DERA: variants seen among roughly 807,000 people sequenced by gnomAD.
DERA encodes deoxyribose-phosphate aldolase, also known as 2-deoxy-D-ribose 5-phosphate aldolase.
Under a neutral mutation model 41.1 loss-of-function variants are expected in DERA, and 15 were observed. The ratio of observed to expected loss-of-function variants is 0.37; its 90% CI spans 0.24 to 0.56. The LOEUF is 0.56. DERA is among the 20% of genes least tolerant of loss of function. The pLI is 0.81. For missense variants in DERA, 396 were observed against 403.4 expected (o/e 0.98, Z 0.16); for synonymous variants, 139 against 137.4 (o/e 1.01, Z -0.08).
chr12:15,988,671 C>T lies in DERA; in HGVS notation c.637+6235C>T, dbSNP rs187396166. Among the ~76,000 whole-genome samples, 3 of 152,310 alleles carry T rather than the reference C, an allele frequency of 2.0e-5. No individual in the cohort carries two copies. In the East Asian group the frequency reaches 5.8e-4, roughly 30 times the overall value. On this transcript the variant is annotated intron_variant, in intron 6 of 8. Coordinates refer to ENST00000428559, the MANE Select transcript of DERA (RefSeq NM_015954.4). This position sits in a 1 kb window ranked among gnomAD's most constrained non-coding sequence, Gnocchi z 6.0. ...TCCAGGCTGTGGCCTTCACTCAGAC[C>T]TGGCAGCCTGGTTCCCAGGCTTCAG...
Position 15,981,311 on chromosome 12 carries a change from G to A in DERA, c.509-997G>A, listed in dbSNP as rs909782606. Reference sequence around the variant, plus strand: ...TGCAGTGAGCTGAGATCACGCCACTGCACTCCAGCCTGGGTGACAGAGCAA... The same window carrying A: ...TGCAGTGAGCTGAGATCACGCCACTACACTCCAGCCTGGGTGACAGAGCAA... On this transcript the variant is annotated intron_variant, in intron 5 of 8. Transcript: ENST00000428559. The surrounding 1 kb of genome is among the most constrained non-coding windows in gnomAD (Gnocchi z 6.1). 6.6e-6 allele frequency among the ~76,000 whole-genome samples: 1 copy of A among 152,148 alleles called. No homozygotes were observed. The highest frequency in any genetic ancestry group is 1.5e-5 in the Non-Finnish European group (1 of 68,028).
At chr12:15,926,931 A>G (rs1462780104) in intron 1 of DERA, among the ~76,000 whole-genome samples, 2 of 152,142 alleles carry the variant, frequency 1.3e-5, no homozygotes. Flanking sequence ...CCAGTTCTTC[A>G]CTTGGAGAAC....
chr12:15,956,977 G>C lies in DERA; in HGVS notation c.73G>C (p.Val25Leu). The C allele has an allele frequency of 1.2e-6, 2 of 1,613,964 alleles. No individual in the cohort carries two copies. Among genetic ancestry groups the C allele is most frequent in the South Asian group, 1.1e-5 (1 of 91,084 alleles). The change falls in exon 2 of 9, where the codon GTT becomes CTT. Residue 25 changes from valine (V) to leucine (L), a missense_variant. Coordinates refer to ENST00000428559, the MANE Select transcript of DERA (RefSeq NM_015954.4). ...ISKIQVNHPA[V>L]LRRAEQIQAR... The stretch of plus-strand genomic sequence containing the variant: ...CAAAATACAAGTGAATCACCCGGCA[G>C]TTCTGAGGCGTGCGGAACAAATCCA...
In DERA at chr12:15,954,150, A is replaced by T. The variant is rs893706990; in HGVS notation, c.32-2786A>T. ...TAAGGGGAAAGTTCCCAGGCATCCC[A>T]TTCATACCTCAGTCCCATATTTTCT... On this transcript the variant is annotated intron_variant, in intron 1 of 8. Coordinates refer to ENST00000428559, the MANE Select transcript of DERA (RefSeq NM_015954.4). The surrounding 1 kb of genome is among the most constrained non-coding windows in gnomAD (Gnocchi z 4.0). Among the ~76,000 whole-genome samples the T allele has an allele frequency of 4.6e-5, 7 of 152,154 alleles. No homozygotes were observed. The highest frequency in any genetic ancestry group is 8.8e-5 in the Non-Finnish European group (6 of 68,024).
In DERA at chr12:15,992,820, C is replaced by T. The variant is rs1175201168; in HGVS notation, c.637+10384C>T. 1.3e-5 allele frequency among the ~76,000 whole-genome samples: 2 copies of T among 152,096 alleles called. No homozygotes were observed. The highest frequency in any genetic ancestry group is 4.8e-5 in the African/African-American group (2 of 41,412). On this transcript the variant is annotated intron_variant, in intron 6 of 8. Transcript: ENST00000428559. This position sits in a 1 kb window ranked among gnomAD's most constrained non-coding sequence, Gnocchi z 4.3. ...TCTTTCAGTAGCGGTGGACTGTTCG[C>T]ACACACTCAACAGTTAACAAGCTCC...
In DERA at chr12:15,913,384, T is replaced by C. The variant is rs181415369; in HGVS notation, c.31+1970T>C. Among the ~76,000 whole-genome samples, 406 of 152,336 alleles carry C rather than the reference T, an allele frequency of 2.7e-3. 2 individuals are homozygous for C. The highest frequency in any genetic ancestry group is 5.1e-3 in the Admixed American group (78 of 15,288). ...TAAACTGAAATGCTAAAATAAGTTATTTGAATTAGGTACTAGGGAAAAAAA... is the reference window on the plus strand; with the variant it reads ...TAAACTGAAATGCTAAAATAAGTTACTTGAATTAGGTACTAGGGAAAAAAA... On this transcript the variant is annotated intron_variant, in intron 1 of 8. Transcript: ENST00000428559. This position sits in a 1 kb window ranked among gnomAD's most constrained non-coding sequence, Gnocchi z 4.5.
Position 15,940,334 on chromosome 12 carries a change from C to CT in DERA, c.32-16595dup, listed in dbSNP as rs551760271. Among the ~76,000 whole-genome samples, 26 of 151,888 alleles carry CT rather than the reference C, an allele frequency of 1.7e-4. No homozygotes were observed. Among genetic ancestry groups the CT allele is most frequent in the African/African-American group, 6.0e-4 (25 of 41,394 alleles). ...CAACAACTTAATAACTACTGCTTTCCTTTTTTTATTTTATTTTATTATTAT... is the reference window on the plus strand; with the variant it reads ...CAACAACTTAATAACTACTGCTTTCCTTTTTTTTATTTTATTTTATTATTAT... On this transcript the variant is annotated intron_variant, in intron 1 of 8. Transcript: ENST00000428559. This position sits in a 1 kb window ranked among gnomAD's most constrained non-coding sequence, Gnocchi z 5.1.
intron 6 of DERA, among the ~76,000 whole-genome samples, chr12:16,002,573 TCATGTGGTTAC>T (rs1445721938): frequency 6.6e-6 from 1 of 152,202 alleles, no homozygotes. Context: ...ACTCATCTCC[TCATGTGGTTAC>T]CATTTTTTTG....
chr12:15,975,152 C>A (rs1014226836), intron 5 of DERA, among the ~76,000 whole-genome samples: 2 of 152,052 alleles, frequency 1.3e-5, no homozygotes, highest in African/African-American at 4.8e-5. Context: ...TGTGGCAGAC[C>A]AGAGTTTTGT....
At position 15,956,929 on chromosome 12, in the gene DERA, G is replaced by C; in HGVS notation, c.32-7G>C. The C allele has an allele frequency of 6.2e-7, 1 of 1,611,216 alleles. No individual in the cohort carries two copies. On this transcript the variant is annotated splice_polypyrimidine_tract_variant and splice_region_variant and intron_variant, in intron 1 of 8. Transcript: ENST00000428559. Reference sequence around the variant, plus strand: ...GGTTTCAGAAAGTGTTTTTCTGTCTGTTTTAGACCTTAGCTGGATCTCCAA... The same window carrying C: ...GGTTTCAGAAAGTGTTTTTCTGTCTCTTTTAGACCTTAGCTGGATCTCCAA...
intron 1 of DERA, among the ~76,000 whole-genome samples, chr12:15,939,995 T>A (rs1237334364): frequency 6.6e-6 from 1 of 152,226 alleles, no homozygotes; most frequent in East Asian, 1.9e-4. Flanking sequence ...CACAAAGAGA[T>A]CCAGGTATAT....
intron 1 of DERA, among the ~76,000 whole-genome samples, chr12:15,926,742 GAAAAAAAA>G (rs71051274): frequency 1.7e-5 from 2 of 120,484 alleles, no homozygotes; most frequent in African/African-American, 3.3e-5. Context: ...GTCTCAAAAA[GAAAAAAAA>G]AAAAAAAAAA....
intron 6 of DERA, among the ~76,000 whole-genome samples, chr12:15,986,058 T>C (rs1024149674): frequency 2.6e-5 from 4 of 152,170 alleles, no homozygotes; most frequent in African/African-American, 9.6e-5. Context: ...AGGATTGTTA[T>C]GTTTACCTGT....
At chr12:15,955,035 C>T (rs1281422651) in intron 1 of DERA, among the ~76,000 whole-genome samples, 1 of 151,912 alleles carries the variant, frequency 6.6e-6, no homozygotes, top group Non-Finnish European at 1.5e-5. Flanking sequence ...TGCAGTGGCT[C>T]ATGCCTGTAA....
At chr12:15,951,777 T>A (rs569299634) in intron 1 of DERA, among the ~76,000 whole-genome samples, 1 of 152,356 alleles carries the variant, frequency 6.6e-6, no homozygotes, top group Non-Finnish European at 1.5e-5. Flanking sequence ...ATGTTTTGTG[T>A]TCTTTTTGTT....
In DERA at chr12:15,921,198, C is replaced by T. The variant is rs1353639282; in HGVS notation, c.31+9784C>T. ...GAATGTGAAGGCATGTTGGAAACAT[C>T]GGGGTGACGTAGTGAAGTAAGTGCA... On this transcript the variant is annotated intron_variant, in intron 1 of 8. Coordinates refer to ENST00000428559, the MANE Select transcript of DERA (RefSeq NM_015954.4). This position sits in a 1 kb window ranked among gnomAD's most constrained non-coding sequence, Gnocchi z 5.3. Among the ~76,000 whole-genome samples, 2 of 152,086 alleles carry T rather than the reference C, an allele frequency of 1.3e-5. No homozygotes were observed. The highest frequency in any genetic ancestry group is 2.9e-5 in the Non-Finnish European group (2 of 68,032).
At position 16,036,654 on chromosome 12, in the gene DERA, G is replaced by A; in HGVS notation, c.901-36G>A. 1 of 1,456,098 alleles carries A rather than the reference G, an allele frequency of 6.9e-7. No homozygotes were observed. Among genetic ancestry groups the A allele is most frequent in the Non-Finnish European group, 9.6e-7 (1 of 1,046,348 alleles). The allele number at this position is 1,456,098 out of a possible 1,614,324, so 90.2% of individuals were successfully genotyped here. On this transcript the variant is annotated intron_variant, in intron 8 of 8. Transcript: ENST00000428559. The surrounding 1 kb of genome is among the most constrained non-coding windows in gnomAD (Gnocchi z 4.9). ...TTATTAACTGATGTGTATAATTATA[G>A]AATGATTGTTAATTAAACTCTGCTT... is the stretch of plus-strand genomic sequence containing the variant.
rs1180575134 is a variant in DERA at position 16,026,632 on chromosome 12, AATT to A, written c.638-5906_638-5904del. ...TATATAACATATTTTAATTATATAA[AATT>A]ATTTATTTAAAAATTTAACAAATTA... On this transcript the variant is annotated intron_variant, in intron 6 of 8. Transcript: ENST00000428559. The surrounding 1 kb of genome is among the most constrained non-coding windows in gnomAD (Gnocchi z 4.4). 6.6e-6 allele frequency among the ~76,000 whole-genome samples: 1 copy of A among 150,468 alleles called. No homozygotes were observed. The highest frequency in any genetic ancestry group is 2.1e-4 in the South Asian group (1 of 4,822).
intron 6 of DERA, among the ~76,000 whole-genome samples, chr12:16,024,012 T>C (rs1437604076): frequency 6.6e-6 from 1 of 152,188 alleles, no homozygotes; most frequent in Non-Finnish European, 1.5e-5. Context: ...AGAATGCTTT[T>C]GATGGGTACA....
Sources: gnomAD v4.1 joint callset for allele counts (sites outside exome capture counted in the v4.1 genomes callset) on GRCh38, gnomAD v4.1.1 for gene constraint, Gnocchi (gnomAD v3.1) non-coding constraint, MANE v1.5 for transcripts, NCBI Gene and HGNC (gene_info 2026-07-23, HGNC 2026-07-21) for gene names.